Variants in DGKB observed in about 807,000 individuals in gnomAD.
DGKB encodes the protein diacylglycerol kinase beta.
A neutral mutation model predicts 114.3 loss-of-function variants in DGKB; 67 were observed. The ratio of observed to expected loss-of-function variants is 0.59; its 90% CI spans 0.48 to 0.72. The LOEUF (loss-of-function observed/expected upper bound fraction) is 0.72. DGKB is among the 30% of genes least tolerant of loss of function. The pLI, the probability that DGKB is intolerant of heterozygous loss-of-function variation, is 0.00. For synonymous variants in DGKB, 398 were observed against 323.1 expected (o/e 1.23, Z -2.49); for missense variants, 907 against 975.2 (o/e 0.93, Z 0.93).
intron 23 of DGKB, among the ~76,000 whole-genome samples, chr7:14,300,252 A>G (rs1047894834): frequency 2.0e-5 from 3 of 152,118 alleles, no homozygotes; most frequent in African/African-American, 7.2e-5. Flanking sequence ...ATACAATAGC[A>G]AAGTGCACCT....
At chr7:14,737,663 A>G (rs1407438426) in intron 4 of DGKB, among the ~76,000 whole-genome samples, 1 of 152,166 alleles carries the variant, frequency 6.6e-6, no homozygotes, top group African/African-American at 2.4e-5. Flanking sequence ...GATTCTGCCT[A>G]TACCTTAATC....
At chr7:14,825,024 A>G (rs1346523165) in intron 2 of DGKB, among the ~76,000 whole-genome samples, 2,743 of 113,816 alleles carry the variant, frequency 0.024, 87 homozygotes, top group African/African-American at 0.072. Flanking sequence ...ATGTATATAT[A>G]TATATATATA....
intron 21 of DGKB, among the ~76,000 whole-genome samples, chr7:14,357,633 G>C (rs1220700055): frequency 6.6e-6 from 1 of 152,114 alleles, no homozygotes; most frequent in South Asian, 2.1e-4. Context: ...ATTTGATCCT[G>C]TCATTATGAT....
chr7:14,372,844 G>A (rs1265804409), intron 21 of DGKB, among the ~76,000 whole-genome samples: 1 of 152,032 alleles, frequency 6.6e-6, no homozygotes, highest in Non-Finnish European at 1.5e-5. Flanking sequence ...ATCCATATCT[G>A]TTTTACTTCT....
At chr7:14,631,263 C>CAAAAAAAAAAAAAAAAAAAA (rs35088925) in intron 13 of DGKB, among the ~76,000 whole-genome samples, 1 of 98,432 alleles carries the variant, frequency 1.0e-5, no homozygotes. Context: ...CAGCAAGAAC[C>CAAAAAAAAAAAAAAAAAAAA]AAAAAAAAAA....
intron 1 of DGKB, among the ~76,000 whole-genome samples, chr7:14,929,022 TACAC>T (rs3036022): frequency 0.11 from 15,928 of 146,764 alleles, 1,481 homozygotes; most frequent in East Asian, 0.52. Flanking sequence ...GCATTGTGTA[TACAC>T]ACACACACAC....
At chr7:14,543,459 C>CA (rs1038658432) in intron 20 of DGKB, among the ~76,000 whole-genome samples, 8 of 148,700 alleles carry the variant, frequency 5.4e-5, no homozygotes, top group Non-Finnish European at 7.4e-5. Context: ...AAAACAAAAA[C>CA]AAAAAAAAAG....
chr7:14,637,829 C>G (rs1811035323), intron 13 of DGKB, among the ~76,000 whole-genome samples: 1 of 151,818 alleles, frequency 6.6e-6, no homozygotes, highest in African/African-American at 2.4e-5. Context: ...CATGTAGCTA[C>G]AGTTGCCTGC....
chr7:14,710,423 G>A (rs1827167065), intron 6 of DGKB, among the ~76,000 whole-genome samples: 1 of 151,936 alleles, frequency 6.6e-6, no homozygotes, highest in African/African-American at 2.4e-5. Context: ...ATAGATTACT[G>A]GGTAGTCTAT....
intron 13 of DGKB, among the ~76,000 whole-genome samples, chr7:14,664,848 T>C (rs1201727577): frequency 6.6e-6 from 1 of 151,764 alleles, no homozygotes; most frequent in Non-Finnish European, 1.5e-5. Flanking sequence ...ATCTGGATTT[T>C]TAGCTCCATT....
intron 2 of DGKB, among the ~76,000 whole-genome samples, chr7:14,760,615 C>T (rs1835544644): frequency 6.6e-6 from 1 of 152,024 alleles, no homozygotes; most frequent in South Asian, 2.1e-4. Context: ...CAGAGACACA[C>T]ACATACACAG....
At chr7:14,381,028 G>C (rs1819380792) in intron 21 of DGKB, among the ~76,000 whole-genome samples, 1 of 152,198 alleles carries the variant, frequency 6.6e-6, no homozygotes, top group Admixed American at 6.5e-5. Context: ...GCACCTCGTA[G>C]TTGGAAGGAA....
chr7:14,653,781 G>T (rs138998409), intron 13 of DGKB, among the ~76,000 whole-genome samples: 1 of 151,834 alleles, frequency 6.6e-6, no homozygotes. Flanking sequence ...AAAGTCTTAC[G>T]ATCATCATAA....
chr7:14,893,179 C>G (rs920262158), intron 1 of DGKB, among the ~76,000 whole-genome samples: 1 of 151,244 alleles, frequency 6.6e-6, no homozygotes, highest in Non-Finnish European at 1.5e-5. Flanking sequence ...CTCCTACTCA[C>G]TCAACAAGTT....
At chr7:14,946,297 AG>A (rs1426692656) in intron 1 of DGKB, among the ~76,000 whole-genome samples, 1 of 151,648 alleles carries the variant, frequency 6.6e-6, no homozygotes, top group Non-Finnish European at 1.5e-5. Flanking sequence ...CAGAGTTTTA[AG>A]GAAAAAAAGA....
At chr7:14,213,217 A>G (rs1053636941) in intron 23 of DGKB, among the ~76,000 whole-genome samples, 4 of 152,108 alleles carry the variant, frequency 2.6e-5, no homozygotes, top group African/African-American at 9.7e-5. Context: ...TTAATGCCCA[A>G]AATACCACAG....
intron 25 of DGKB, among the ~76,000 whole-genome samples, chr7:14,159,221 G>A (rs1783493029): frequency 6.6e-6 from 1 of 152,058 alleles, no homozygotes; most frequent in South Asian, 2.1e-4. Flanking sequence ...TCTTCCTTCT[G>A]AACCCTGTAC....
intron 2 of DGKB, among the ~76,000 whole-genome samples, chr7:14,826,330 G>A (rs79622309): frequency 2.2e-3 from 331 of 152,180 alleles, no homozygotes; most frequent in African/African-American, 7.8e-3. Flanking sequence ...CTCTCTTAAA[G>A]GAAACACTTT....
chr7:14,629,312 A>G (rs1245316622), intron 14 of DGKB, among the ~76,000 whole-genome samples: 1 of 152,048 alleles, frequency 6.6e-6, no homozygotes, highest in Non-Finnish European at 1.5e-5. Context: ...GATTAGAAAC[A>G]TTATATTTAA....
Sources: gnomAD v4.1 joint callset for allele counts (sites outside exome capture counted in the v4.1 genomes callset) on GRCh38, gnomAD v4.1.1 for gene constraint, MANE v1.5 for transcripts, NCBI Gene and HGNC (gene_info 2026-07-23, HGNC 2026-07-21) for gene names.